HTT: variants seen among roughly 807,000 people sequenced by gnomAD.
HTT encodes huntington disease protein.
A neutral mutation model predicts 362.3 loss-of-function variants in HTT; 104 were observed. The observed-to-expected ratio is 0.29, with a 90% CI of 0.24 to 0.34. HTT has a LOEUF of 0.34. HTT is among the 10% of genes least tolerant of loss of function. The pLI, the probability that HTT is intolerant of heterozygous loss-of-function variation, is 1.00. For synonymous variants in HTT, 1,577 were observed against 1,548.7 expected, an observed-to-expected ratio of 1.02 and a Z score of -0.43; for missense variants, 3,301 against 3,928.6, an observed-to-expected ratio of 0.84 and a Z score of 4.27.
At chr4:3,175,474 A>C (rs1038596979) in intron 33 of HTT, among the ~76,000 whole-genome samples, 1 of 152,252 alleles carries the variant, frequency 6.6e-6, no homozygotes, top group Non-Finnish European at 1.5e-5. Context: ...TAGTTTAAAC[A>C]GATTATCAAT....
At chr4:3,108,375 T>C (rs1380641760) in intron 6 of HTT, among the ~76,000 whole-genome samples, 1 of 152,194 alleles carries the variant, frequency 6.6e-6, no homozygotes, top group Non-Finnish European at 1.5e-5. Context: ...CTAAAGAATT[T>C]AGTGTAATAT....
intron 51 of HTT, among the ~76,000 whole-genome samples, chr4:3,216,813 C>T (rs1018885383): frequency 1.6e-4 from 25 of 152,180 alleles, no homozygotes; most frequent in Admixed American, 1.4e-3. Flanking sequence ...ATCACGAGGT[C>T]AGGAGATCGA....
chr4:3,229,410 T>C (rs1331006485), intron 59 of HTT, among the ~76,000 whole-genome samples: 1 of 127,966 alleles, frequency 7.8e-6, no homozygotes, highest in East Asian at 2.4e-4. Flanking sequence ...CACATGTATG[T>C]GCCACACACA....
At chr4:3,156,902 T>C (rs1353911718) in intron 27 of HTT, among the ~76,000 whole-genome samples, 170 bp from the exon 28 acceptor site, 2 of 152,256 alleles carry the variant, frequency 1.3e-5, no homozygotes, top group Non-Finnish European at 1.5e-5. Flanking sequence ...GCTCTACTTA[T>C]GTTTGTTAGT....
rs1426568886 is a variant in HTT at position 3,229,988 on chromosome 4, C to T, written c.8211C>T (p.Ile2737=). The T allele has an allele frequency of 1.2e-6, 2 of 1,614,062 alleles. No homozygotes were observed. The highest frequency in any genetic ancestry group is 1.7e-6 in the Non-Finnish European group (2 of 1,179,902). The change falls in exon 60 of 67, where the codon ATC becomes ATT. Residue 2737 remains isoleucine (I), a synonymous_variant. Coordinates refer to ENST00000355072, the MANE Select transcript of HTT (RefSeq NM_001388492.1). The part of the protein sequence containing the change: ...LRRVHPSEDE[I]LAQYLVPATC... ...GGGTGCACCCTTCAGAAGACGAGATCCTCGCTCAGTACCTGGTGCCTGCCA... is the reference window on the plus strand; with the variant it reads ...GGGTGCACCCTTCAGAAGACGAGATTCTCGCTCAGTACCTGGTGCCTGCCA...
chr4:3,137,338 G>T (rs141896074), intron 21 of HTT, among the ~76,000 whole-genome samples: 2,177 of 152,194 alleles, frequency 0.014, 21 homozygotes, highest in Non-Finnish European at 0.022. Flanking sequence ...ATGTATCCTT[G>T]TGCCCATTTG....
rs187872144 is a variant in HTT, at chr4:3,180,466, A to G, written c.4613-49A>G. The stretch of plus-strand genomic sequence containing the variant: ...GTAGATGTTGAGAGCAGTTTTCCAA[A>G]TGTAATTTCCATGAAATGCCTGATA... On this transcript the variant is annotated intron_variant, in intron 35 of 66. Transcript: ENST00000355072. 1.3e-3 allele frequency: 1,896 copies of G among 1,508,670 alleles called. 5 individuals carry two copies. The highest frequency in any genetic ancestry group is 1.5e-3 in the Non-Finnish European group (1,699 of 1,127,462). The allele number at this position is 1,508,670 out of a possible 1,614,324, so 93.5% of individuals were successfully genotyped here.
intron 36 of HTT, 143 bp downstream of exon 36, chr4:3,180,794 G>C (rs1288178088): frequency 2.8e-6 from 1 of 354,880 alleles, no homozygotes; most frequent in Non-Finnish European, 4.9e-6. Flanking sequence ...AGATGCCGGT[G>C]CAGGGGGATG....
At chr4:3,198,583 CTG>C (rs1719377324) in intron 40 of HTT, among the ~76,000 whole-genome samples, 1 of 152,218 alleles carries the variant, frequency 6.6e-6, no homozygotes, top group Admixed American at 6.5e-5. Context: ...CAGCCCAGAT[CTG>C]GGGGAGAGGG....
chr4:3,226,792 T>G (rs1230135998), intron 57 of HTT, among the ~76,000 whole-genome samples: 3 of 152,258 alleles, frequency 2.0e-5, no homozygotes, highest in African/African-American at 7.2e-5. Context: ...GTCACAAGCC[T>G]GTTTCTGTTC....
At chr4:3,098,266 TA>T (rs1270413539) in intron 2 of HTT, among the ~76,000 whole-genome samples, 3 of 152,276 alleles carry the variant, frequency 2.0e-5, no homozygotes, top group Non-Finnish European at 4.4e-5. Context: ...TATGCTTTTA[TA>T]AGTTTGTTGA....
chr4:3,160,240 A>G (rs1717370544), intron 28 of HTT, 42 bp from the exon 29 acceptor site: 1 of 1,270,074 alleles, frequency 7.9e-7, no homozygotes, highest in Admixed American at 2.0e-5. Context: ...TGAGATCGTG[A>G]CAGGGCCAGT....
intron 51 of HTT, among the ~76,000 whole-genome samples, chr4:3,217,485 A>T (rs1578598493): frequency 6.6e-6 from 1 of 152,360 alleles, no homozygotes; most frequent in African/African-American, 2.4e-5. Flanking sequence ...CAGCTGTCAC[A>T]GGCTGCTGCT....
chr4:3,119,991 C>G (rs1174119014), intron 8 of HTT, among the ~76,000 whole-genome samples: 3 of 152,158 alleles, frequency 2.0e-5, no homozygotes, highest in Non-Finnish European at 4.4e-5. Flanking sequence ...AAATGTGGCT[C>G]TGTTCCGGTG....
chr4:3,215,315 C>T (rs1578596287), intron 51 of HTT, 104 bp downstream of exon 51: 6 of 753,750 alleles, frequency 8.0e-6, no homozygotes, highest in Non-Finnish European at 1.3e-5. Context: ...TGGAAGCGCA[C>T]CGTAGCTCCG....
At chr4:3,115,560 T>C in intron 7 of HTT, 115 bp downstream of exon 7, 1 of 814,128 alleles carries the variant, frequency 1.2e-6, no homozygotes, top group East Asian at 2.6e-5. Flanking sequence ...TGGCACTGGT[T>C]GATTGAATGT....
At chr4:3,179,870 A>ATG (rs1491572386) in intron 35 of HTT, among the ~76,000 whole-genome samples, 1 of 145,000 alleles carries the variant, frequency 6.9e-6, no homozygotes, top group East Asian at 2.1e-4. Context: ...GTGTGTGCTC[A>ATG]TGTGTGAGCG....
intron 1 of HTT, among the ~76,000 whole-genome samples, chr4:3,082,514 G>A (rs1712966722): frequency 6.6e-6 from 1 of 152,196 alleles, no homozygotes; most frequent in Non-Finnish European, 1.5e-5. Flanking sequence ...ATAGGTCCTT[G>A]CTATCACAGT....
chr4:3,235,938 C>G (rs936242442), intron 63 of HTT, among the ~76,000 whole-genome samples, 160 bp downstream of exon 63: 1 of 152,204 alleles, frequency 6.6e-6, no homozygotes, highest in South Asian at 2.1e-4. Flanking sequence ...CTCTGGAGCC[C>G]CCAGGGCTGG....
Sources: allele counts gnomAD v4.1 joint callset (sites outside exome capture counted in the v4.1 genomes callset), GRCh38; gene constraint gnomAD v4.1.1; transcripts MANE v1.5; gene names NCBI Gene and HGNC (gene_info 2026-07-23, HGNC 2026-07-21).